STKLD1: variants seen among roughly 807,000 people sequenced by gnomAD.
The protein encoded by STKLD1 is serine/threonine kinase like domain containing 1, also known as serine/threonine kinase-like domain-containing protein STKLD1.
Under a neutral mutation model 80.4 loss-of-function variants are expected in STKLD1, and 79 were observed. That is an observed-to-expected ratio of 0.98 (90% CI 0.82 to 1.19). The LOEUF is 1.19. STKLD1 is among the 50% of genes most tolerant of loss of function. The pLI is 0.00. For missense variants in STKLD1, 841 were observed against 856.0 expected (o/e 0.98, Z 0.22); for synonymous variants, 393 against 357.6 (o/e 1.10, Z -1.12).
intron 14 of STKLD1, 142 bp from the exon 15 acceptor site, chr9:133,403,558 C>T (rs904656903): frequency 1.2e-5 from 13 of 1,072,220 alleles, no homozygotes; most frequent in Middle Eastern, 2.2e-4. Context: ...CCCCTGCACC[C>T]GTCTCTGAGG....
rs142730405 is a variant in STKLD1 at position 133,394,657 on chromosome 9, C to G, written c.702+248C>G. The G allele has an allele frequency of 8.2e-6, 4 of 489,170 alleles. No homozygotes were observed. The highest frequency in any genetic ancestry group is 1.5e-5 in the Non-Finnish European group (4 of 269,914). The allele number at this position is 489,170 out of a possible 1,614,324, so 30.3% of individuals were successfully genotyped here. ...TATTCAGACCATCCCACGCGACCCT[C>G]GCAGCAGCCCTCCAGGTGGTGTCAC... On this transcript the variant is annotated intron_variant, in intron 8 of 17. Transcript: ENST00000371957. This position sits in a 1 kb window ranked among gnomAD's most constrained non-coding sequence, Gnocchi z 4.9.
chr9:133,389,194 G>T lies in STKLD1; in HGVS notation c.397-332G>T, dbSNP rs918771755. On this transcript the variant is annotated intron_variant, in intron 5 of 17. Transcript: ENST00000371957. This position sits in a 1 kb window ranked among gnomAD's most constrained non-coding sequence, Gnocchi z 6.4. ...CCACCTCTCCCATACCCGCAAGGCCGATCTGCCTTCAGCTCCCAGCAAGTG... is the reference window on the plus strand; with the variant it reads ...CCACCTCTCCCATACCCGCAAGGCCTATCTGCCTTCAGCTCCCAGCAAGTG... 1 of 985,268 alleles carries T rather than the reference G, an allele frequency of 1.0e-6. No homozygotes were observed. Among genetic ancestry groups the T allele is most frequent in the South Asian group, 4.7e-5 (1 of 21,296 alleles). The allele number at this position is 985,268 out of a possible 1,614,324, so 61.0% of individuals were successfully genotyped here. A position where few individuals can be genotyped will look rare whatever the true frequency, so the allele number is the denominator to read the frequency against.
Position 133,394,559 on chromosome 9 carries a change from G to C in STKLD1, c.702+150G>C. ...AGAGCCCTCTTCTCCACCTGCGAGG[G>C]GCCTGCCCTCCTCAGAACCCCTCAG... On this transcript the variant is annotated intron_variant, in intron 8 of 17. Coordinates refer to ENST00000371957, the MANE Select transcript of STKLD1 (RefSeq NM_153710.5). The surrounding 1 kb of genome is among the most constrained non-coding windows in gnomAD (Gnocchi z 4.9). The C allele has an allele frequency of 1.5e-6, 1 of 662,364 alleles. No homozygotes were observed. The highest frequency in any genetic ancestry group is 2.6e-5 in the East Asian group (1 of 38,874). The allele number at this position is 662,364 out of a possible 1,614,324, so 41.0% of individuals were successfully genotyped here.
intron 1 of STKLD1, among the ~76,000 whole-genome samples, chr9:133,378,329 C>G (rs1446560656): frequency 6.6e-6 from 1 of 152,208 alleles, no homozygotes; most frequent in Non-Finnish European, 1.5e-5. Flanking sequence ...CCCCAATCCT[C>G]TGATGAATGT....
rs1349422562 is a variant in STKLD1, at chr9:133,382,115, C to T, written c.175-1741C>T. 3.3e-5 allele frequency among the ~76,000 whole-genome samples: 5 copies of T among 152,212 alleles called. No individual in the cohort carries two copies. In the East Asian group the frequency reaches 9.6e-4, roughly 29 times the overall value. On this transcript the variant is annotated intron_variant, in intron 2 of 17. Coordinates refer to ENST00000371957, the MANE Select transcript of STKLD1 (RefSeq NM_153710.5). Reference sequence around the variant, plus strand: ...CACCACCCTTCCCTTTCCATGCCCTCCCCACCTCCACCCGGAGAGGGCACA... The same window carrying T: ...CACCACCCTTCCCTTTCCATGCCCTTCCCACCTCCACCCGGAGAGGGCACA...
chr9:133,379,667 G>T (rs1365831970), intron 2 of STKLD1, among the ~76,000 whole-genome samples: 3 of 152,218 alleles, frequency 2.0e-5, no homozygotes, highest in Non-Finnish European at 4.4e-5. Context: ...TCCTCACCAG[G>T]GCTAGCAGGG....
chr9:133,390,537 A>G lies in STKLD1; in HGVS notation c.468-144A>G. 1 of 660,892 alleles carries G rather than the reference A, an allele frequency of 1.5e-6. No individual in the cohort carries two copies. The highest frequency in any genetic ancestry group is 2.7e-6 in the Non-Finnish European group (1 of 364,574). 40.9% of individuals were successfully genotyped at this position (660,892 alleles called of 1,614,324 possible). A position where few individuals can be genotyped will look rare whatever the true frequency, so the allele number is the denominator to read the frequency against. On this transcript the variant is annotated intron_variant, in intron 6 of 17. Coordinates refer to ENST00000371957, the MANE Select transcript of STKLD1 (RefSeq NM_153710.5). This position sits in a 1 kb window ranked among gnomAD's most constrained non-coding sequence, Gnocchi z 5.1. ...GGGGCATTTTGTGGAGGAGAGGAGGATGTGGGCTGCTGCTGCAGAACCAGG... is the reference window on the plus strand; with the variant it reads ...GGGGCATTTTGTGGAGGAGAGGAGGGTGTGGGCTGCTGCTGCAGAACCAGG...
At position 133,397,213 on chromosome 9, in the gene STKLD1, G is replaced by A. The variant is rs150005537; in HGVS notation, c.916G>A (p.Val306Ile). The change falls in exon 10 of 18, where the codon GTC becomes ATC. Residue 306 changes from valine to isoleucine, a missense_variant. Physicochemically the swap from Val to Ile is conservative, Grantham distance 29. Transcript: ENST00000371957. The part of the protein sequence containing the change: ...FLRGSFKSSC[V>I]SLTLHRQMVP... ...GAGAGGCTCCTTCAAGTCCTCGTGC[G>A]TCTCTCTGACCCTGCACCGGCAGAT... is the stretch of plus-strand genomic sequence containing the variant. 17 of 1,613,834 alleles carry A rather than the reference G, an allele frequency of 1.1e-5. No homozygotes were observed. In the African/African-American group the frequency reaches 1.5e-4, roughly 14 times the overall value.
chr9:133,400,027 G>A (rs1554777340), intron 11 of STKLD1, among the ~76,000 whole-genome samples: 1 of 152,168 alleles, frequency 6.6e-6, no homozygotes, highest in East Asian at 1.9e-4. Context: ...AACAGTTTCT[G>A]GCACAGTGGC....
Position 133,384,004 on chromosome 9 carries a change from G to A in STKLD1, c.219+104G>A. On this transcript the variant is annotated intron_variant, in intron 3 of 17. Coordinates refer to ENST00000371957, the MANE Select transcript of STKLD1 (RefSeq NM_153710.5). This position sits in a 1 kb window ranked among gnomAD's most constrained non-coding sequence, Gnocchi z 4.3. ...TGCCTGGATGAAGAGAAGGCTGGAG[G>A]GAGGGATAGAGCATCAGCACCAGTT... 2 of 1,157,806 alleles carry A rather than the reference G, an allele frequency of 1.7e-6. No homozygotes were observed. The highest frequency in any genetic ancestry group is 2.6e-6 in the Non-Finnish European group (2 of 774,782). 71.7% of individuals were successfully genotyped at this position (1,157,806 alleles called of 1,614,324 possible). A position where few individuals can be genotyped will look rare whatever the true frequency, so the allele number is the denominator to read the frequency against.
At chr9:133,377,977 C>T (rs1838038824) in intron 1 of STKLD1, among the ~76,000 whole-genome samples, 1 of 152,156 alleles carries the variant, frequency 6.6e-6, no homozygotes. Flanking sequence ...ACCTGGATCC[C>T]TCACATGCAC....
At chr9:133,393,709 C>A (rs1348532622) in intron 7 of STKLD1, among the ~76,000 whole-genome samples, 1 of 151,820 alleles carries the variant, frequency 6.6e-6, no homozygotes. Context: ...GACAGACGGG[C>A]AGATGGTTGG....
At chr9:133,400,362 GC>G in intron 11 of STKLD1, 50 bp from the exon 12 acceptor site, 4 of 1,432,872 alleles carry the variant, frequency 2.8e-6, no homozygotes, top group Non-Finnish European at 3.9e-6. Context: ...GGGTCTATAT[GC>G]CCCCGATCTG....
rs199990011 is a variant in STKLD1 at position 133,395,737 on chromosome 9, C to T, written c.840C>T (p.Ile280=). 20 of 1,613,496 alleles carry T rather than the reference C, an allele frequency of 1.2e-5. No homozygotes were observed. Among genetic ancestry groups the T allele is most frequent in the South Asian group, 6.6e-5 (6 of 91,078 alleles). Residue 280 remains isoleucine, a synonymous_variant, in exon 9 of 18, where the codon ATC becomes ATT. Transcript: ENST00000371957. ...FRNLLPLMLQ[I]DPSDRITIKD... is the part of the protein sequence containing the mutation. Reference sequence around the variant, plus strand: ...ATCTTCTGCCCTTGATGCTCCAGATCGACCCCTCGGATCGAATAACGATAA... The same window carrying T: ...ATCTTCTGCCCTTGATGCTCCAGATTGACCCCTCGGATCGAATAACGATAA...
Position 133,390,194 on chromosome 9 carries a change from A to AACAC in STKLD1, c.468-432_468-429dup, listed in dbSNP as rs2130285859. On this transcript the variant is annotated intron_variant, in intron 6 of 17. Coordinates refer to ENST00000371957, the MANE Select transcript of STKLD1 (RefSeq NM_153710.5). The surrounding 1 kb of genome is among the most constrained non-coding windows in gnomAD (Gnocchi z 5.1). ...TTCAGCCTGGGCAACCCTGACTTAA[A>AACAC]ACACACACACACACACACACACACA... is the stretch of plus-strand genomic sequence containing the variant. Among the ~76,000 whole-genome samples the AACAC allele has an allele frequency of 4.2e-4, 52 of 123,474 alleles. No homozygotes were observed. Among genetic ancestry groups the AACAC allele is most frequent in the Middle Eastern group, 4.2e-3 (1 of 238 alleles). 81.0% of individuals were successfully genotyped at this position (123,474 alleles called of 152,430 possible).
intron 11 of STKLD1, among the ~76,000 whole-genome samples, chr9:133,400,075 G>T (rs1204498733): frequency 6.6e-6 from 1 of 152,122 alleles, no homozygotes; most frequent in African/African-American, 2.4e-5. Flanking sequence ...TCCACCCTCA[G>T]GGCAGTTGCA....
At position 133,403,008 on chromosome 9, in the gene STKLD1, G is replaced by A. The variant is rs1325180861; in HGVS notation, c.1470G>A (p.Leu490=). ...TGGGCCTGCTCTGGGCCCTCCTGCTGGACGGTGAGGGGCCCTCCTCCTGCT... is the reference window on the plus strand; with the variant it reads ...TGGGCCTGCTCTGGGCCCTCCTGCTAGACGGTGAGGGGCCCTCCTCCTGCT... The part of the protein sequence containing the change: ...SGLGLLWALL[L]DGIIVNKAPL... The change falls in exon 14 of 18, where the codon CTG becomes CTA. Residue 490 remains leucine, a synonymous_variant. Transcript: ENST00000371957. The A allele has an allele frequency of 2.6e-6, 4 of 1,565,414 alleles. No homozygotes were observed. The highest frequency in any genetic ancestry group is 1.4e-5 in the African/African-American group (1 of 73,810).
intron 12 of STKLD1, among the ~76,000 whole-genome samples, chr9:133,401,126 CA>C (rs71503343): frequency 6.8e-6 from 1 of 146,736 alleles, no homozygotes; most frequent in East Asian, 2.0e-4. Context: ...TTTTTTGAAA[CA>C]AAAAGTATTT....
chr9:133,403,079 C>T lies in STKLD1; in HGVS notation c.1474+67C>T, dbSNP rs918606080. The T allele has an allele frequency of 4.7e-6, 7 of 1,480,834 alleles. No individual in the cohort carries two copies. The African/African-American group carries it at 5.6e-5, about 12-fold the overall frequency. The allele number at this position is 1,480,834 out of a possible 1,614,324, so 91.7% of individuals were successfully genotyped here. On this transcript the variant is annotated intron_variant, in intron 14 of 17. Coordinates refer to ENST00000371957, the MANE Select transcript of STKLD1 (RefSeq NM_153710.5). ...CCTCCCCCAGCCCCTCCCTAACTGC[C>T]CCTGAGAGCCTTCGAGGACCTCCAT...
Sources: allele counts gnomAD v4.1 joint callset (sites outside exome capture counted in the v4.1 genomes callset), GRCh38; gene constraint gnomAD v4.1.1; non-coding constraint Gnocchi (gnomAD v3.1); transcripts MANE v1.5; gene names NCBI Gene and HGNC (gene_info 2026-07-23, HGNC 2026-07-21).